CACNA1A: variants seen among roughly 807,000 people sequenced by gnomAD.
CACNA1A encodes calcium voltage-gated channel subunit alpha1 A.
Under a neutral mutation model 262.4 loss-of-function variants are expected in CACNA1A, and 57 were observed. The ratio of observed to expected loss-of-function variants is 0.22; its 90% CI spans 0.18 to 0.27. The LOEUF (loss-of-function observed/expected upper bound fraction) is 0.27, where lower values mean the gene tolerates loss of function less well. CACNA1A is among the 10% of genes least tolerant of loss of function. The pLI, the probability that CACNA1A is intolerant of heterozygous loss-of-function variation, is 1.00. For synonymous variants in CACNA1A, 1,431 were observed against 1,419.3 expected (o/e 1.01, Z -0.18); for missense variants, 2,526 against 3,562.8 (o/e 0.71, Z 7.41).
At chr19:13,353,895 T>C (rs2058958540) in intron 6 of CACNA1A, among the ~76,000 whole-genome samples, 1 of 152,190 alleles carries the variant, frequency 6.6e-6, no homozygotes, top group Admixed American at 6.5e-5. Flanking sequence ...CACCCATCAC[T>C]TGTTCTCTTG....
intron 3 of CACNA1A, among the ~76,000 whole-genome samples, chr19:13,421,496 G>C (rs2060315113): frequency 6.6e-6 from 1 of 152,070 alleles, no homozygotes; most frequent in African/African-American, 2.4e-5. Context: ...GCACTGCTAT[G>C]GTCTGAATGT....
chr19:13,231,177 A>T (rs376401808), intron 35 of CACNA1A, among the ~76,000 whole-genome samples: 5 of 139,140 alleles, frequency 3.6e-5, no homozygotes, highest in East Asian at 2.1e-4. Context: ...AGCTAATTCA[A>T]TTTTTTTTTT....
chr19:13,402,212 GC>G (rs1322023801), intron 3 of CACNA1A, among the ~76,000 whole-genome samples: 2 of 152,196 alleles, frequency 1.3e-5, no homozygotes, highest in Non-Finnish European at 2.9e-5. Flanking sequence ...TGGGGAAGAA[GC>G]CCCTTCTCCC....
chr19:13,469,303 C>A (rs1295710444), intron 1 of CACNA1A, among the ~76,000 whole-genome samples: 1 of 152,148 alleles, frequency 6.6e-6, no homozygotes, highest in Non-Finnish European at 1.5e-5. Flanking sequence ...AGACCATTGT[C>A]CATGCTGGTC....
At chr19:13,234,211 G>A (rs79946800) in intron 34 of CACNA1A, among the ~76,000 whole-genome samples, 230 of 150,950 alleles carry the variant, frequency 1.5e-3, no homozygotes, top group Middle Eastern at 3.4e-3. Flanking sequence ...TTATCTGGGC[G>A]TGGTGGCGGG....
Position 13,214,053 on chromosome 19 carries a change from G to C in CACNA1A, c.5940+180C>G, listed in dbSNP as rs764612927. The C allele has an allele frequency of 2.2e-5, 13 of 592,638 alleles. No individual in the cohort carries two copies. The highest frequency in any genetic ancestry group is 3.6e-5 in the Non-Finnish European group (12 of 330,966). 36.7% of individuals were successfully genotyped at this position (592,638 alleles called of 1,614,324 possible). On this transcript the variant is annotated intron_variant, in intron 40 of 46. Transcript: ENST00000360228. This position sits in a 1 kb window ranked among gnomAD's most constrained non-coding sequence, Gnocchi z 4.1. ...GGGTGGTCTCATCCTGGTCTCAAAC[G>C]ATCCCTCTGCCCTGGCCTCTCAAAG...
chr19:13,421,025 A>AG (rs2060308147), intron 3 of CACNA1A, among the ~76,000 whole-genome samples: 1 of 152,302 alleles, frequency 6.6e-6, no homozygotes, highest in East Asian at 1.9e-4. Flanking sequence ...GTGATATGTC[A>AG]GTGGAAGTGA....
intron 22 of CACNA1A, 137 bp from the exon 23 acceptor site, chr19:13,277,265 G>T: frequency 1.6e-6 from 1 of 610,586 alleles, no homozygotes; most frequent in Non-Finnish European, 3.0e-6. Context: ...CAGTTGCGCA[G>T]GGCGTGCACT....
intron 3 of CACNA1A, among the ~76,000 whole-genome samples, chr19:13,439,260 C>G (rs927899775): frequency 1.3e-5 from 2 of 151,136 alleles, no homozygotes; most frequent in South Asian, 2.1e-4. Context: ...AGGCGCCCAC[C>G]ACCACGCTCA....
rs763689584 is a variant in CACNA1A at position 13,259,720 on chromosome 19, A to T, written c.4251-19T>A. ...TTTGCCTCTGCCACAGAGAGTGGGG[A>T]CTGTTAGTAAATGGGAAAGAGGGGC... On this transcript the variant is annotated intron_variant, in intron 26 of 46. Transcript: ENST00000360228. 7.5e-6 allele frequency: 12 copies of T among 1,609,306 alleles called. No homozygotes were observed. The highest frequency in any genetic ancestry group is 9.3e-6 in the Non-Finnish European group (11 of 1,177,846).
rs560968663 is a variant in CACNA1A, at chr19:13,368,865, C to T, written c.631+2823G>A. ...CATCCTGGCTAACACGGTGAAACCC[C>T]GTCTCTACTAAAAATACAAAAAATT... On this transcript the variant is annotated intron_variant, in intron 4 of 46. Coordinates refer to ENST00000360228, the MANE Select transcript of CACNA1A (RefSeq NM_001127222.2). 6.4e-5 allele frequency among the ~76,000 whole-genome samples: 9 copies of T among 141,658 alleles called. No homozygotes were observed. In the South Asian group the frequency reaches 1.7e-3, roughly 27 times the overall value. 92.9% of individuals were successfully genotyped at this position (141,658 alleles called of 152,430 possible).
chr19:13,386,152 T>TA (rs1233099486), intron 3 of CACNA1A, among the ~76,000 whole-genome samples: 1,616 of 140,944 alleles, frequency 0.011, 28 homozygotes, highest in African/African-American at 0.035. Context: ...CCTTGTCTCT[T>TA]AAAAAAAAAA....
At chr19:13,242,291 C>T (rs990096685) in intron 31 of CACNA1A, among the ~76,000 whole-genome samples, 6 of 152,008 alleles carry the variant, frequency 3.9e-5, no homozygotes, top group Admixed American at 3.3e-4. Context: ...TTCTTTCTTT[C>T]TTTTTCTTCC....
At chr19:13,405,188 G>A (rs965369437) in intron 3 of CACNA1A, among the ~76,000 whole-genome samples, 11 of 146,946 alleles carry the variant, frequency 7.5e-5, no homozygotes, top group Admixed American at 4.7e-4. Flanking sequence ...GAGCCAGCGC[G>A]CCCGGCCATT....
At chr19:13,423,805 G>A (rs1599422004) in intron 3 of CACNA1A, among the ~76,000 whole-genome samples, 1 of 152,048 alleles carries the variant, frequency 6.6e-6, no homozygotes, top group Non-Finnish European at 1.5e-5. Context: ...GTGAGTCACT[G>A]CACCTGGCCA....
intron 19 of CACNA1A, among the ~76,000 whole-genome samples, chr19:13,287,216 C>T (rs1422820471): frequency 2.6e-5 from 4 of 151,964 alleles, no homozygotes; most frequent in South Asian, 2.1e-4. Context: ...ACGGGCGTGG[C>T]GCTGTGTGCC....
chr19:13,320,275 A>AGAGAG (rs60301241), intron 10 of CACNA1A, among the ~76,000 whole-genome samples: 13 of 150,224 alleles, frequency 8.7e-5, no homozygotes, highest in African/African-American at 2.2e-4. Flanking sequence ...AGAGAGAGAG[A>AGAGAG]AACCACAGCA....
chr19:13,361,511 T>C (rs2059111080), intron 5 of CACNA1A, among the ~76,000 whole-genome samples: 1 of 152,220 alleles, frequency 6.6e-6, no homozygotes, highest in Non-Finnish European at 1.5e-5. Context: ...AACAAACAGC[T>C]GAGTGTGTGT....
rs1485472594 is a variant in CACNA1A, at chr19:13,257,590, G to A, written c.4389-39C>T. 11 of 1,445,272 alleles carry A rather than the reference G, an allele frequency of 7.6e-6. No individual in the cohort carries two copies. In the East Asian group the frequency reaches 2.7e-4, roughly 35 times the overall value. The allele number at this position is 1,445,272 out of a possible 1,614,324, so 89.5% of individuals were successfully genotyped here. A position where few individuals can be genotyped will look rare whatever the true frequency, so the allele number is the denominator to read the frequency against. ...GGCAGGGAGAGGGAAGGGGCAGGAA[G>A]GAGAGAGACAGGGACCCAAGGGGTG... On this transcript the variant is annotated intron_variant, in intron 27 of 46. Transcript: ENST00000360228.
Sources: gnomAD v4.1 joint callset for allele counts (sites outside exome capture counted in the v4.1 genomes callset) on GRCh38, gnomAD v4.1.1 for gene constraint, Gnocchi (gnomAD v3.1) non-coding constraint, MANE v1.5 for transcripts, NCBI Gene and HGNC (gene_info 2026-07-23, HGNC 2026-07-21) for gene names.